MBNL2: variants seen among roughly 807,000 people sequenced by gnomAD.
MBNL2 encodes muscleblind-like protein 2.
A neutral mutation model predicts 41.9 loss-of-function variants in MBNL2; 17 were observed. That is an observed-to-expected ratio of 0.41 (90% CI 0.28 to 0.61). The LOEUF (loss-of-function observed/expected upper bound fraction) is 0.61, where lower values mean the gene tolerates loss of function less well. Among genes scored for constraint, MBNL2 ranks in the 20% least tolerant of loss-of-function variants. The pLI, the probability that MBNL2 is intolerant of heterozygous loss-of-function variation, is 0.35. For missense variants in MBNL2, 336 were observed against 505.6 expected, an observed-to-expected ratio of 0.66 and a Z score of 3.22; for synonymous variants, 195 against 182.9, an observed-to-expected ratio of 1.07 and a Z score of -0.53.
the MBNL2 span, among the ~76,000 whole-genome samples, chr13:97,161,480 G>A: frequency 1.3e-5 from 2 of 152,182 alleles, no homozygotes; most frequent in African/African-American, 4.8e-5. Context: ...TTTTACTGTA[G>A]TGTGAAAGTC....
the MBNL2 span, among the ~76,000 whole-genome samples, chr13:97,212,816 C>T: frequency 6.6e-6 from 1 of 152,162 alleles, no homozygotes; most frequent in South Asian, 2.1e-4. Flanking sequence ...TCATGAGTAG[C>T]ATTTGATGGA....
At chr13:97,180,455 G>A in the MBNL2 span, among the ~76,000 whole-genome samples, 910 of 152,030 alleles carry the variant, frequency 6.0e-3, 2 homozygotes, top group Non-Finnish European at 9.2e-3. Context: ...TGGTGTGATC[G>A]GCCAGGCATG....
intron 3 of MBNL2, among the ~76,000 whole-genome samples, chr13:97,337,718 C>T (rs1056762243): frequency 6.6e-5 from 10 of 152,168 alleles, no homozygotes; most frequent in Admixed American, 6.5e-4. Flanking sequence ...TATCAACTGG[C>T]AATCGAAAAC....
At chr13:97,284,330 G>A (rs945780584) in intron 2 of MBNL2, among the ~76,000 whole-genome samples, 7 of 152,096 alleles carry the variant, frequency 4.6e-5, no homozygotes, top group African/African-American at 1.4e-4. Flanking sequence ...TGCCTCTTTC[G>A]GCTTTTGGTA....
intron 8 of MBNL2, among the ~76,000 whole-genome samples, chr13:97,369,502 T>C (rs1257175139): frequency 3.3e-5 from 5 of 152,250 alleles, no homozygotes; most frequent in African/African-American, 9.6e-5. Flanking sequence ...CCTGCCTTCT[T>C]TTCTGTCTTT....
intron 1 of MBNL2, among the ~76,000 whole-genome samples, chr13:97,245,992 A>G (rs541517615): frequency 1.3e-5 from 2 of 152,252 alleles, no homozygotes; most frequent in East Asian, 3.9e-4. Context: ...TTTTCTCCCT[A>G]ATTTAATGCT....
intron 2 of MBNL2, among the ~76,000 whole-genome samples, chr13:97,287,012 T>G (rs904826365): frequency 2.6e-5 from 4 of 152,202 alleles, no homozygotes; most frequent in Admixed American, 6.5e-5. Context: ...ATCCTAAATT[T>G]TTAGATTCTA....
intron 1 of MBNL2, among the ~76,000 whole-genome samples, chr13:97,233,686 T>A (rs74457251): frequency 6.6e-6 from 1 of 151,908 alleles, no homozygotes; most frequent in African/African-American, 2.4e-5. Flanking sequence ...TTTTTTTTTT[T>A]TCTTTAAAGT....
chr13:97,174,538 A>T, the MBNL2 span, among the ~76,000 whole-genome samples: 1 of 152,254 alleles, frequency 6.6e-6, no homozygotes, highest in Non-Finnish European at 1.5e-5. Flanking sequence ...AAAGAGCTGA[A>T]AGCTACATGT....
the MBNL2 span, among the ~76,000 whole-genome samples, chr13:97,166,825 TAGATAGATAGATAGAA>T: frequency 4.4e-5 from 6 of 137,548 alleles, no homozygotes; most frequent in Non-Finnish European, 9.5e-5. Flanking sequence ...GATAGATAGA[TAGATAGATAGATAGAA>T]AGATAGATAG....
intron 2 of MBNL2, among the ~76,000 whole-genome samples, chr13:97,322,543 G>A (rs1308291377): frequency 1.3e-5 from 2 of 152,058 alleles, no homozygotes; most frequent in African/African-American, 4.8e-5. Context: ...ATTAACCATG[G>A]GTTTATCAGA....
At chr13:97,287,263 C>T (rs1056266532) in intron 2 of MBNL2, among the ~76,000 whole-genome samples, 1 of 152,208 alleles carries the variant, frequency 6.6e-6, no homozygotes, top group African/African-American at 2.4e-5. Flanking sequence ...TGTTGGGAAA[C>T]TTCATCGTTC....
At chr13:97,290,682 CAAAAA>C (rs144219795) in intron 2 of MBNL2, among the ~76,000 whole-genome samples, 6 of 114,922 alleles carry the variant, frequency 5.2e-5, no homozygotes, top group Admixed American at 8.9e-5. Context: ...GACTCCGTCT[CAAAAA>C]AAAAAAAAAA....
chr13:97,327,448 G>A (rs752705084), intron 2 of MBNL2, among the ~76,000 whole-genome samples: 1 of 149,802 alleles, frequency 6.7e-6, no homozygotes, highest in Non-Finnish European at 1.5e-5. Context: ...TTCTTCCTGA[G>A]CAACTCCTGC....
At position 97,225,181 on chromosome 13, in the gene MBNL2, T is replaced by C. The variant is rs76338787; in HGVS notation, c.-605+2650T>C. Among the ~76,000 whole-genome samples the C allele has an allele frequency of 8.3e-3, 1,262 of 152,262 alleles. 16 individuals carry two copies. The highest frequency in any genetic ancestry group is 0.029 in the African/African-American group (1,204 of 41,550). On this transcript the variant is annotated intron_variant, in intron 1 of 8. Coordinates refer to ENST00000679496, the MANE Select transcript of MBNL2 (RefSeq NM_001382683.1). ...CCAGTCCCGCGCTCAGGGAGTGCCA[T>C]AGAAATTCAAGATCAGGTACTCAAG...
chr13:97,210,065 G>A, the MBNL2 span, among the ~76,000 whole-genome samples: 1 of 151,996 alleles, frequency 6.6e-6, no homozygotes, highest in Non-Finnish European at 1.5e-5. Context: ...CGAAGTGCTG[G>A]GATTACAGGC....
the MBNL2 span, among the ~76,000 whole-genome samples, chr13:97,199,370 C>T: frequency 6.6e-6 from 1 of 152,264 alleles, no homozygotes; most frequent in African/African-American, 2.4e-5. Context: ...TATACACACT[C>T]TTTGATCTGA....
chr13:97,155,381 CTTTTTTTTTTTTAT>C, the MBNL2 span, among the ~76,000 whole-genome samples: 1 of 139,880 alleles, frequency 7.1e-6, no homozygotes, highest in Non-Finnish European at 1.6e-5. Flanking sequence ...AAGTAATTTT[CTTTTTTTTTTTTAT>C]TTTTTTTTTT....
chr13:97,320,671 T>C (rs1286602916), intron 2 of MBNL2, among the ~76,000 whole-genome samples: 1 of 151,528 alleles, frequency 6.6e-6, no homozygotes, highest in African/African-American at 2.4e-5. Flanking sequence ...CCCAGCACTT[T>C]GGGAGGCCGA....
Sources: gnomAD v4.1 joint callset for allele counts (sites outside exome capture counted in the v4.1 genomes callset) on GRCh38, gnomAD v4.1.1 for gene constraint, MANE v1.5 for transcripts, NCBI Gene and HGNC (gene_info 2026-07-23, HGNC 2026-07-21) for gene names.